MAGI2: variants seen among roughly 807,000 people sequenced by gnomAD.
The protein encoded by MAGI2 is membrane-associated guanylate kinase, WW and PDZ domain-containing protein 2.
In MAGI2, 35 loss-of-function variants were observed where a neutral mutation model predicts 133.3. The observed-to-expected ratio is 0.26, with a 90% CI of 0.20 to 0.35. The LOEUF (loss-of-function observed/expected upper bound fraction) is 0.35, where lower values mean the gene tolerates loss of function less well. Ranked by LOEUF, MAGI2 falls within the 10% of genes least tolerant of loss-of-function variation. The probability of loss-of-function intolerance (pLI) is 1.00; values close to 1 mark genes in which losing one functional copy is unlikely to be tolerated. For missense variants in MAGI2, 1,636 were observed against 1,863.4 expected (o/e 0.88, Z 2.25); for synonymous variants, 729 against 710.6 (o/e 1.03, Z -0.41).
Position 79,171,770 on chromosome 7 carries a change from A to ATATATATATATTTT in MAGI2, c.302-164565_302-164564insAAAATATATATATA. ...TATATATATATATATATATATATAT[A>ATATATATATATTTT]TTTTTTTTTTTTTTTTCTTTTAAAG... On this transcript the variant is annotated intron_variant, in intron 1 of 21. Coordinates refer to ENST00000354212, the MANE Select transcript of MAGI2 (RefSeq NM_012301.4). Among the ~76,000 whole-genome samples, 21 of 31,216 alleles carry ATATATATATATTTT rather than the reference A, an allele frequency of 6.7e-4. 1 individual carries two copies. Among genetic ancestry groups the ATATATATATATTTT allele is most frequent in the Non-Finnish European group, 2.0e-3 (18 of 9,004 alleles). The allele number at this position is 31,216 out of a possible 152,430, so 20.5% of individuals were successfully genotyped here.
intron 6 of MAGI2, among the ~76,000 whole-genome samples, chr7:78,396,543 A>G (rs753293944): frequency 3.3e-5 from 5 of 152,136 alleles, no homozygotes; most frequent in African/African-American, 4.8e-5. Context: ...TGCCTTCACC[A>G]TGCTATCTGA....
intron 7 of MAGI2, among the ~76,000 whole-genome samples, chr7:78,365,662 A>T (rs1239823578): frequency 1.3e-5 from 2 of 152,218 alleles, no homozygotes; most frequent in Admixed American, 6.5e-5. Flanking sequence ...TTTCCATGAC[A>T]TGATTATGAC....
intron 1 of MAGI2, among the ~76,000 whole-genome samples, chr7:79,036,410 G>C (rs1406600871): frequency 1.3e-5 from 2 of 152,102 alleles, no homozygotes; most frequent in Non-Finnish European, 2.9e-5. Flanking sequence ...ACATGACTGA[G>C]GATTAATGAT....
At chr7:78,767,347 CTT>C (rs3086253) in intron 2 of MAGI2, among the ~76,000 whole-genome samples, 4,559 of 146,130 alleles carry the variant, frequency 0.031, 107 homozygotes, top group Non-Finnish European at 0.043. Context: ...AGGCAACACA[CTT>C]TTTTTTTTTT....
intron 1 of MAGI2, among the ~76,000 whole-genome samples, chr7:79,192,257 A>G (rs1464987478): frequency 1.3e-5 from 2 of 151,862 alleles, no homozygotes; most frequent in African/African-American, 2.4e-5. Flanking sequence ...CAGCTAGAAT[A>G]TAAGTTTCAT....
intron 1 of MAGI2, among the ~76,000 whole-genome samples, chr7:79,380,024 G>C (rs373838236): frequency 2.0e-5 from 3 of 151,470 alleles, no homozygotes; most frequent in African/African-American, 4.8e-5. Flanking sequence ...TTAAATGTTA[G>C]ACCTAAAACC....
intron 1 of MAGI2, among the ~76,000 whole-genome samples, chr7:79,388,880 G>A (rs1395831980): frequency 1.3e-5 from 2 of 149,358 alleles, no homozygotes; most frequent in South Asian, 2.1e-4. Flanking sequence ...CCAAAGCTGG[G>A]TATGAGTAAA....
chr7:78,803,359 A>T (rs1788243269), intron 2 of MAGI2, among the ~76,000 whole-genome samples: 1 of 152,206 alleles, frequency 6.6e-6, no homozygotes, highest in Non-Finnish European at 1.5e-5. Flanking sequence ...TGTTGTATGA[A>T]ACTCAGGTGC....
At chr7:79,385,850 C>T (rs1417181533) in intron 1 of MAGI2, among the ~76,000 whole-genome samples, 2 of 151,822 alleles carry the variant, frequency 1.3e-5, no homozygotes, top group Admixed American at 1.3e-4. Context: ...GCTCTTGTTA[C>T]GAAGAAAGTA....
At chr7:78,785,067 T>C (rs1826702138) in intron 2 of MAGI2, among the ~76,000 whole-genome samples, 1 of 152,226 alleles carries the variant, frequency 6.6e-6, no homozygotes, top group Non-Finnish European at 1.5e-5. Flanking sequence ...ACCCTGTCCT[T>C]ATAACTATAT....
intron 11 of MAGI2, among the ~76,000 whole-genome samples, chr7:78,200,305 T>C (rs181594202): frequency 3.5e-4 from 53 of 152,176 alleles, no homozygotes; most frequent in Non-Finnish European, 3.7e-4. Context: ...ACTTGGGCAA[T>C]TAATAGTTTC....
intron 2 of MAGI2, among the ~76,000 whole-genome samples, chr7:78,748,574 C>A (rs1332261207): frequency 6.6e-6 from 1 of 152,068 alleles, no homozygotes; most frequent in Non-Finnish European, 1.5e-5. Context: ...TTATTTGTGT[C>A]TTTAATTATA....
At chr7:79,388,473 T>A (rs1844357369) in intron 1 of MAGI2, among the ~76,000 whole-genome samples, 1 of 151,996 alleles carries the variant, frequency 6.6e-6, no homozygotes, top group Non-Finnish European at 1.5e-5. Flanking sequence ...CGTAAGTTAT[T>A]CTTAGTTCAT....
chr7:79,392,163 C>G (rs941036258), intron 1 of MAGI2, among the ~76,000 whole-genome samples: 2 of 152,106 alleles, frequency 1.3e-5, no homozygotes, highest in African/African-American at 4.8e-5. Context: ...CCAGCTTCAT[C>G]CATGTCTCTG....
chr7:79,228,101 T>C (rs1831011106), intron 1 of MAGI2, among the ~76,000 whole-genome samples: 1 of 151,932 alleles, frequency 6.6e-6, no homozygotes, highest in Non-Finnish European at 1.5e-5. Flanking sequence ...TTGCAGCTAC[T>C]TGAGATGGTT....
chr7:78,900,170 A>T (rs967128299), intron 2 of MAGI2, among the ~76,000 whole-genome samples: 4 of 152,150 alleles, frequency 2.6e-5, no homozygotes, highest in African/African-American at 7.2e-5. Flanking sequence ...CGTCCAAACC[A>T]CTACCATATC....
chr7:78,614,287 G>GACA (rs1459795057), intron 3 of MAGI2: 2 of 74,396 alleles, frequency 2.7e-5, no homozygotes, highest in Non-Finnish European at 5.5e-5. Flanking sequence ...AAAAGTGAAA[G>GACA]AAAAAAAAAA....
At chr7:78,556,015 A>AT (rs899824689) in intron 3 of MAGI2, among the ~76,000 whole-genome samples, 1 of 152,202 alleles carries the variant, frequency 6.6e-6, no homozygotes, top group African/African-American at 2.4e-5. Context: ...TCTAGTAACT[A>AT]TTAAAGGCCT....
intron 1 of MAGI2, among the ~76,000 whole-genome samples, chr7:79,436,576 T>C (rs1343775217): frequency 1.3e-5 from 2 of 151,950 alleles, no homozygotes; most frequent in African/African-American, 4.8e-5. Flanking sequence ...AATAAACAAG[T>C]GGTCAAAAAA....
Sources: allele counts gnomAD v4.1 joint callset (sites outside exome capture counted in the v4.1 genomes callset), GRCh38; gene constraint gnomAD v4.1.1; transcripts MANE v1.5; gene names NCBI Gene and HGNC (gene_info 2026-07-23, HGNC 2026-07-21).